The following EXOSC7 variants were observed in gnomAD, a reference collection of about 807,000 sequenced individuals.
EXOSC7 encodes the protein exosome component 7, also known as exosome complex component RRP42.
EXOSC7 carries 25 observed loss-of-function variants against 34.3 expected under a neutral mutation model. The ratio of observed to expected loss-of-function variants is 0.73; its 90% CI spans 0.53 to 1.02. The LOEUF (loss-of-function observed/expected upper bound fraction) is 1.02. EXOSC7 is among the 50% of genes least tolerant of loss of function. EXOSC7 has a pLI of 0.00. For synonymous variants in EXOSC7, 130 were observed against 143.0 expected, an observed-to-expected ratio of 0.91 and a Z score of 0.65; for missense variants, 370 against 368.5, an observed-to-expected ratio of 1.00 and a Z score of -0.03.
Position 45,011,259 on chromosome 3 carries a change from C to A in EXOSC7, c.796C>A (p.Leu266Met), listed in dbSNP as rs1175235774. Residue 266 changes from leucine to methionine, a missense_variant, in exon 8 of 8, where the codon CTG becomes ATG. Leu to Met is a conservative substitution (Grantham distance 15). Around this residue, in one of 3 missense-constraint regions of EXOSC7, gnomAD observed 255 missense variants for 246.4 expected, o/e 1.03. Coordinates refer to ENST00000265564, the MANE Select transcript of EXOSC7 (RefSeq NM_015004.4). ...GACTGGCAAGCGTGTGGGCAAGGTA[C>A]TGCATGCCTCCTTGCAGAGTGTTGT... ...METGKRVGKV[L>M]HASLQSVVHK... is the part of the protein sequence containing the mutation. The A allele has an allele frequency of 3.7e-6, 6 of 1,613,056 alleles. No individual in the cohort carries two copies. The highest frequency in any genetic ancestry group is 2.5e-6 in the Non-Finnish European group (3 of 1,179,514).
chr3:45,007,658 T>G (rs1055491627), intron 7 of EXOSC7, 83 bp downstream of exon 7: 42 of 1,365,654 alleles, frequency 3.1e-5, no homozygotes, highest in Non-Finnish European at 4.0e-5. Context: ...ACCGTGGGGA[T>G]TCTCCCCATT....
At chr3:44,981,506 T>C (rs1013855743) in intron 1 of EXOSC7, among the ~76,000 whole-genome samples, 8 of 152,178 alleles carry the variant, frequency 5.3e-5, no homozygotes, top group African/African-American at 1.9e-4. Flanking sequence ...GACTTTGTCT[T>C]AAACCATCCA....
intron 5 of EXOSC7, among the ~76,000 whole-genome samples, chr3:45,003,521 G>A (rs1310262582): frequency 6.6e-6 from 1 of 152,144 alleles, no homozygotes; most frequent in Admixed American, 6.5e-5. Flanking sequence ...TCTAGATGTT[G>A]CCTTGTGTAT....
At chr3:44,978,865 T>C (rs1559739879) in intron 1 of EXOSC7, among the ~76,000 whole-genome samples, 1 of 152,196 alleles carries the variant, frequency 6.6e-6, no homozygotes, top group Non-Finnish European at 1.5e-5. Context: ...TGTTGACTTG[T>C]CTGTATGGGG....
intron 5 of EXOSC7, 153 bp downstream of exon 5, chr3:45,001,761 A>G (rs1385832829): frequency 3.3e-6 from 2 of 612,828 alleles, no homozygotes; most frequent in Non-Finnish European, 5.9e-6. Context: ...TAAACTCCAG[A>G]AAAGATAGAT....
chr3:45,004,995 A>G (rs988994701), intron 5 of EXOSC7: 2 of 275,836 alleles, frequency 7.3e-6, no homozygotes, highest in African/African-American at 2.2e-5. Flanking sequence ...TTTTATATCT[A>G]TGGTCTATTT....
At chr3:44,994,858 TG>T (rs1706674760) in intron 3 of EXOSC7, among the ~76,000 whole-genome samples, 3 of 5,848 alleles carry the variant, frequency 5.1e-4, no homozygotes, top group African/African-American at 1.9e-3. Flanking sequence ...GAAGAATGGG[TG>T]TGTGTGTGTG....
chr3:44,985,010 T>G (rs915083653), intron 1 of EXOSC7, among the ~76,000 whole-genome samples: 1 of 152,268 alleles, frequency 6.6e-6, no homozygotes, highest in Non-Finnish European at 1.5e-5. Context: ...GTCATGTTCC[T>G]AATGATTGTT....
intron 1 of EXOSC7, among the ~76,000 whole-genome samples, chr3:44,978,636 A>C (rs930358373): frequency 1.3e-5 from 2 of 152,232 alleles, no homozygotes; most frequent in Non-Finnish European, 2.9e-5. Context: ...ATAGCATTTG[A>C]ACTGAGTTCT....
In EXOSC7 at chr3:45,007,558, A is replaced by G; in HGVS notation, c.754A>G (p.Ile252Val). ...GAAGGGCAGCCTGGACCCAGAGAGC[A>G]TCTTCGAGATGATGGAGGTGAGGCC... ...VGKGSLDPES[I>V]FEMMETGKRV... The change falls in exon 7 of 8, where the codon ATC becomes GTC. Residue 252 changes from isoleucine (I) to valine (V), a missense_variant. Coordinates refer to ENST00000265564, the MANE Select transcript of EXOSC7 (RefSeq NM_015004.4). 3.1e-6 allele frequency: 5 copies of G among 1,609,824 alleles called. No homozygotes were observed. Among genetic ancestry groups the G allele is most frequent in the Non-Finnish European group, 3.4e-6 (4 of 1,177,778 alleles).
intron 3 of EXOSC7, among the ~76,000 whole-genome samples, chr3:44,991,428 A>G (rs946371587): frequency 2.0e-5 from 3 of 152,220 alleles, no homozygotes; most frequent in African/African-American, 4.8e-5. Flanking sequence ...GCCTAATTCA[A>G]TGCAGTAAGC....
intron 7 of EXOSC7, among the ~76,000 whole-genome samples, chr3:45,009,305 A>G (rs762263153): frequency 6.6e-6 from 1 of 152,128 alleles, no homozygotes; most frequent in Non-Finnish European, 1.5e-5. Context: ...CAATCTGGAA[A>G]ATGACTTGGT....
chr3:44,992,624 CT>C (rs1706604120), intron 3 of EXOSC7, among the ~76,000 whole-genome samples: 1 of 152,138 alleles, frequency 6.6e-6, no homozygotes, highest in African/African-American at 2.4e-5. Context: ...AAAATCTGAC[CT>C]TTTCATGTCT....
intron 4 of EXOSC7, among the ~76,000 whole-genome samples, chr3:44,999,955 A>G (rs564042197): frequency 1.6e-4 from 24 of 152,334 alleles, no homozygotes; most frequent in South Asian, 1.0e-3. Flanking sequence ...GACAGAGCCC[A>G]TGTTCAAACA....
At chr3:44,996,997 A>G (rs1037684719) in intron 3 of EXOSC7, 90 bp from the exon 4 acceptor site, 6 of 1,340,796 alleles carry the variant, frequency 4.5e-6, no homozygotes, top group Admixed American at 3.8e-5. Flanking sequence ...CTCTTCCAGC[A>G]TTCTACAGGG....
intron 6 of EXOSC7, 71 bp downstream of exon 6, chr3:45,005,485 G>A (rs964027307): frequency 1.1e-5 from 17 of 1,500,418 alleles, no homozygotes; most frequent in Non-Finnish European, 1.6e-5. Context: ...ACCTGCTGAG[G>A]TTACTTAATA....
chr3:45,001,767 T>C, intron 5 of EXOSC7, 159 bp downstream of exon 5: 1 of 599,812 alleles, frequency 1.7e-6, no homozygotes, highest in Middle Eastern at 2.6e-4. Flanking sequence ...CCAGAAAAGA[T>C]AGATTTCGTG....
chr3:45,000,734 C>T (rs545514622), intron 4 of EXOSC7, among the ~76,000 whole-genome samples: 67 of 152,278 alleles, frequency 4.4e-4, no homozygotes, highest in African/African-American at 1.5e-3. Flanking sequence ...TAGTAGCAGC[C>T]GCAACATCAG....
At chr3:44,976,445 G>A (rs564349633) in intron 1 of EXOSC7, 111 bp downstream of exon 1, 7 of 948,474 alleles carry the variant, frequency 7.4e-6, no homozygotes, top group East Asian at 3.2e-5. Context: ...GCGACTCTCC[G>A]TTTACCTTGT....
Sources: allele counts gnomAD v4.1 joint callset (sites outside exome capture counted in the v4.1 genomes callset), GRCh38; gene constraint gnomAD v4.1.1; regional missense constraint gnomAD v4.1.1; transcripts MANE v1.5; gene names NCBI Gene and HGNC (gene_info 2026-07-23, HGNC 2026-07-21).